Variants in ASF1B observed in about 807,000 individuals in gnomAD.
The protein encoded by ASF1B is histone chaperone ASF1B.
In ASF1B, 10 loss-of-function variants were observed where a neutral mutation model predicts 16.6. The ratio of observed to expected loss-of-function variants is 0.60; its 90% CI spans 0.37 to 1.02. ASF1B has a LOEUF of 1.02. ASF1B is among the 50% of genes least tolerant of loss of function. The probability of loss-of-function intolerance (pLI) is 0.01; values close to 1 mark genes in which losing one functional copy is unlikely to be tolerated. For synonymous variants in ASF1B, 101 were observed against 106.2 expected (o/e 0.95, Z 0.30); for missense variants, 240 against 266.0 (o/e 0.90, Z 0.68).
At chr19:14,136,177 G>A (rs1967494832) in intron 1 of ASF1B, among the ~76,000 whole-genome samples, 171 bp downstream of exon 1, 1 of 150,318 alleles carries the variant, frequency 6.7e-6, no homozygotes, top group Non-Finnish European at 1.5e-5. Context: ...GCTGGTGGCG[G>A]GGGGTCTCCA....
rs566039408 is a variant in ASF1B at position 14,120,068 on chromosome 19, C to T, written c.*391G>A. ...CAGGAAGAGAAAGGAATGACAAAGCCTTTGGCTCAGCAGGACTGGAGCCTT... is the reference window on the plus strand; with the variant it reads ...CAGGAAGAGAAAGGAATGACAAAGCTTTTGGCTCAGCAGGACTGGAGCCTT... On this transcript the variant is annotated 3_prime_UTR_variant, in exon 4 of 4. Coordinates refer to ENST00000263382, the MANE Select transcript of ASF1B (RefSeq NM_018154.3). 7 of 190,072 alleles carry T rather than the reference C, an allele frequency of 3.7e-5. No homozygotes were observed. Among genetic ancestry groups the T allele is most frequent in the African/African-American group, 1.7e-4 (7 of 42,070 alleles). The allele number at this position is 190,072 out of a possible 1,614,324, so 11.8% of individuals were successfully genotyped here. A position where few individuals can be genotyped will look rare whatever the true frequency, so the allele number is the denominator to read the frequency against.
At chr19:14,129,678 C>CAAAAAAAAA (rs549023648) in intron 1 of ASF1B, among the ~76,000 whole-genome samples, 42 of 34,626 alleles carry the variant, frequency 1.2e-3, no homozygotes, top group Non-Finnish European at 1.5e-3. Context: ...CAGCCTCCGT[C>CAAAAAAAAA]AAAAAAAAAA....
intron 2 of ASF1B, among the ~76,000 whole-genome samples, chr19:14,123,930 A>G (rs1415516453): frequency 2.6e-5 from 4 of 152,152 alleles, no homozygotes; most frequent in East Asian, 3.9e-4. Flanking sequence ...AGCTAGGATA[A>G]CAAATGTGCA....
In ASF1B at chr19:14,126,134, CAT is replaced by C. The variant is rs769492764; in HGVS notation, c.211_212del (p.Met71ValfsTer17). 3 of 1,599,814 alleles carry C rather than the reference CAT, an allele frequency of 1.9e-6. No individual in the cohort carries two copies. The highest frequency in any genetic ancestry group is 1.4e-5 in the African/African-American group (1 of 73,932). ...LVGPVPAGRH[M>X]FVFQADAPNP... is the part of the protein sequence containing the mutation. ...TCATCTTTCTTACCTGAAAGACAAA[CAT>C]GTGTCTCCCTGCTGGCACAGGGCCC... is the stretch of plus-strand genomic sequence containing the variant. On this transcript the variant is annotated frameshift_variant, in exon 2 of 4. Coordinates refer to ENST00000263382, the MANE Select transcript of ASF1B (RefSeq NM_018154.3). LOFTEE classifies it high-confidence loss of function.
intron 1 of ASF1B, among the ~76,000 whole-genome samples, chr19:14,131,372 G>A (rs932706216): frequency 2.6e-5 from 4 of 151,090 alleles, no homozygotes; most frequent in Non-Finnish European, 5.9e-5. Context: ...TAGTAGAGCC[G>A]GGGTTTCACC....
chr19:14,129,624 T>C (rs947812020), intron 1 of ASF1B, among the ~76,000 whole-genome samples: 3 of 125,844 alleles, frequency 2.4e-5, no homozygotes, highest in African/African-American at 6.3e-5. Context: ...GAGATTGCAG[T>C]GAGCCGAGAT....
intron 2 of ASF1B, among the ~76,000 whole-genome samples, 158 bp downstream of exon 2, chr19:14,125,964 C>T (rs1967311198): frequency 6.6e-6 from 1 of 152,184 alleles, no homozygotes; most frequent in Non-Finnish European, 1.5e-5. Context: ...CTCAAGCAAT[C>T]CTCTCACCTC....
chr19:14,126,916 ATTTTAT>A (rs1367308178), intron 1 of ASF1B, among the ~76,000 whole-genome samples: 2 of 149,894 alleles, frequency 1.3e-5, no homozygotes, highest in Non-Finnish European at 2.9e-5. Flanking sequence ...CACATCTTCT[ATTTTAT>A]TTTTATTTAC....
In ASF1B at chr19:14,120,428, C is replaced by A. The variant is rs199525441; in HGVS notation, c.*31G>T. 2.5e-6 allele frequency: 4 copies of A among 1,608,012 alleles called. No individual in the cohort carries two copies. In the South Asian group the frequency reaches 4.4e-5, roughly 18 times the overall value. On this transcript the variant is annotated 3_prime_UTR_variant, in exon 4 of 4. Coordinates refer to ENST00000263382, the MANE Select transcript of ASF1B (RefSeq NM_018154.3). ...CGCTGGGAGGCCTGGTTGCCCCTCCCGGCGTGCTGGGACACTCTGGGTTCC... is the reference window on the plus strand; with the variant it reads ...CGCTGGGAGGCCTGGTTGCCCCTCCAGGCGTGCTGGGACACTCTGGGTTCC...
At chr19:14,131,607 C>T (rs1031352223) in intron 1 of ASF1B, among the ~76,000 whole-genome samples, 2 of 151,108 alleles carry the variant, frequency 1.3e-5, no homozygotes, top group African/African-American at 2.4e-5. Context: ...CTCAGCCTCC[C>T]GAGTAGCTGG....
chr19:14,120,198 A>G lies in ASF1B; in HGVS notation c.*261T>C. 1 of 447,418 alleles carries G rather than the reference A, an allele frequency of 2.2e-6. No individual in the cohort carries two copies. The allele number at this position is 447,418 out of a possible 1,614,324, so 27.7% of individuals were successfully genotyped here. On this transcript the variant is annotated 3_prime_UTR_variant, in exon 4 of 4. Transcript: ENST00000263382. ...GCACAGTGGCACAGTGGCCTTAGTT[A>G]GAATTTATGAAGACGAAAAGAACAC...
At chr19:14,122,226 C>G (rs933233565) in intron 2 of ASF1B, among the ~76,000 whole-genome samples, 1 of 151,638 alleles carries the variant, frequency 6.6e-6, no homozygotes, top group Non-Finnish European at 1.5e-5. Context: ...CCACTGCGCC[C>G]AGCCTTTTTT....
chr19:14,133,889 C>T (rs1449585694), intron 1 of ASF1B, among the ~76,000 whole-genome samples: 2 of 147,292 alleles, frequency 1.4e-5, no homozygotes, highest in East Asian at 2.1e-4. Flanking sequence ...CTGCAAGCTC[C>T]GCCTCCCGGG....
At chr19:14,125,018 G>A (rs1967296852) in intron 2 of ASF1B, among the ~76,000 whole-genome samples, 1 of 152,146 alleles carries the variant, frequency 6.6e-6, no homozygotes, top group African/African-American at 2.4e-5. Flanking sequence ...CCAGGCTAGA[G>A]TGCACTGGTG....
Position 14,120,307 on chromosome 19 carries a change from G to A in ASF1B, c.*152C>T, listed in dbSNP as rs1967213560. 1 of 680,966 alleles carries A rather than the reference G, an allele frequency of 1.5e-6. No homozygotes were observed. Among genetic ancestry groups the A allele is most frequent in the Non-Finnish European group, 2.5e-6 (1 of 404,804 alleles). 42.2% of individuals were successfully genotyped at this position (680,966 alleles called of 1,614,324 possible). On this transcript the variant is annotated 3_prime_UTR_variant, in exon 4 of 4. Transcript: ENST00000263382. ...ATCATCCTTCTGGCCAGGACTAGGGGAGACCCAAGGCCTGTTCTTTCCTAG... is the reference window on the plus strand; with the variant it reads ...ATCATCCTTCTGGCCAGGACTAGGGAAGACCCAAGGCCTGTTCTTTCCTAG...
intron 1 of ASF1B, among the ~76,000 whole-genome samples, chr19:14,127,432 C>G (rs1444237094): frequency 6.6e-6 from 1 of 152,132 alleles, no homozygotes; most frequent in African/African-American, 2.4e-5. Flanking sequence ...CACACAGGGA[C>G]CGGTGCCACT....
chr19:14,122,823 G>A (rs1161056100), intron 2 of ASF1B, among the ~76,000 whole-genome samples: 1 of 152,164 alleles, frequency 6.6e-6, no homozygotes, highest in Non-Finnish European at 1.5e-5. Context: ...CCACCCGGGG[G>A]CCAGCTAAGG....
At chr19:14,129,318 T>C (rs1056189595) in intron 1 of ASF1B, among the ~76,000 whole-genome samples, 10 of 152,046 alleles carry the variant, frequency 6.6e-5, no homozygotes, top group Non-Finnish European at 1.3e-4. Flanking sequence ...AAATGGCTCT[T>C]TCAACCAGGG....
At chr19:14,122,757 TG>T (rs1191452382) in intron 2 of ASF1B, among the ~76,000 whole-genome samples, 2 of 151,998 alleles carry the variant, frequency 1.3e-5, no homozygotes, top group African/African-American at 4.8e-5. Flanking sequence ...TGGAGGAGTG[TG>T]GTGAGCCGGG....
Sources: allele counts gnomAD v4.1 joint callset (sites outside exome capture counted in the v4.1 genomes callset), GRCh38; gene constraint gnomAD v4.1.1; transcripts MANE v1.5; gene names NCBI Gene and HGNC (gene_info 2026-07-23, HGNC 2026-07-21).